The following MTMR2 variants were observed in gnomAD, a reference collection of about 807,000 sequenced individuals.
The protein encoded by MTMR2 is myotubularin related protein 2.
MTMR2 carries 55 observed loss-of-function variants against 86.9 expected under a neutral mutation model. The observed-to-expected ratio is 0.63, with a 90% CI of 0.51 to 0.79. The LOEUF (loss-of-function observed/expected upper bound fraction) is 0.79, where lower values mean the gene tolerates loss of function less well. MTMR2 is among the 30% of genes least tolerant of loss of function. The probability of loss-of-function intolerance (pLI) is 0.00; values close to 1 mark genes in which losing one functional copy is unlikely to be tolerated. For synonymous variants in MTMR2, 241 were observed against 266.8 expected, an observed-to-expected ratio of 0.90 and a Z score of 0.94; for missense variants, 659 against 772.3, an observed-to-expected ratio of 0.85 and a Z score of 1.74.
chr11:95,844,896 T>C (rs1165901080), intron 11 of MTMR2, 57 bp downstream of exon 11: 5 of 1,435,688 alleles, frequency 3.5e-6, no homozygotes, highest in African/African-American at 1.4e-5. Context: ...CACATTTTTT[T>C]CACATGCCTT....
intron 12 of MTMR2, 81 bp downstream of exon 12, chr11:95,841,536 G>T: frequency 1.0e-6 from 1 of 969,646 alleles, no homozygotes; most frequent in Non-Finnish European, 1.7e-6. Flanking sequence ...TGATCTATAG[G>T]CTAATCAGTG....
chr11:95,867,371 G>T (rs1272639442), intron 2 of MTMR2, among the ~76,000 whole-genome samples: 1 of 152,090 alleles, frequency 6.6e-6, no homozygotes, highest in African/African-American at 2.4e-5. Flanking sequence ...AAATATTTAT[G>T]TTATGTACAG....
chr11:95,878,915 T>C (rs1198836899), intron 2 of MTMR2, among the ~76,000 whole-genome samples: 1 of 152,162 alleles, frequency 6.6e-6, no homozygotes, highest in East Asian at 1.9e-4. Flanking sequence ...GTACTGTTTT[T>C]AGAAGATCAT....
Position 95,835,398 on chromosome 11 carries a change from C to T in MTMR2, c.1824G>A (p.Gln608=). 6.2e-7 allele frequency: 1 copy of T among 1,613,212 alleles called. No individual in the cohort carries two copies. The highest frequency in any genetic ancestry group is 8.5e-7 in the Non-Finnish European group (1 of 1,179,372). ...CTCTCTGTAGTTCCTCTACTTTTTT[C>T]TGAAGCTCTGCTCGTTTAGCAAGAA... The part of the protein sequence containing the change: ...KELLAKRAEL[Q]KKVEELQREI... Residue 608 remains glutamine (Q), a synonymous_variant, in exon 15 of 15, where the codon CAG becomes CAA. Coordinates refer to ENST00000346299, the MANE Select transcript of MTMR2 (RefSeq NM_016156.6).
chr11:95,880,865 C>T (rs1004911983), intron 2 of MTMR2, among the ~76,000 whole-genome samples: 1 of 152,040 alleles, frequency 6.6e-6, no homozygotes, highest in African/African-American at 2.4e-5. Flanking sequence ...TGCAAGTCTA[C>T]TATCCCAAAA....
At position 95,838,067 on chromosome 11, in the gene MTMR2, T is replaced by TG. The variant is rs765863380; in HGVS notation, c.1593+26dup. 13 of 1,303,972 alleles carry TG rather than the reference T, an allele frequency of 1.0e-5. No homozygotes were observed. In the South Asian group the frequency reaches 1.2e-4, roughly 12 times the overall value. 80.8% of individuals were successfully genotyped at this position (1,303,972 alleles called of 1,614,324 possible). The stretch of plus-strand genomic sequence containing the variant: ...GGAAAAGTATACAGTAGAGATAGTA[T>TG]GGGGAAGGTCATGTTTCATATTTTA... On this transcript the variant is annotated intron_variant, in intron 13 of 14. Transcript: ENST00000346299.
chr11:95,858,085 A>G (rs753105230), intron 6 of MTMR2, among the ~76,000 whole-genome samples: 6 of 152,152 alleles, frequency 3.9e-5, no homozygotes, highest in Non-Finnish European at 8.8e-5. Context: ...GATAAATAAT[A>G]TCTACCACCA....
At chr11:95,897,426 T>C (rs911261035) in intron 1 of MTMR2, among the ~76,000 whole-genome samples, 6 of 152,138 alleles carry the variant, frequency 3.9e-5, no homozygotes, top group African/African-American at 1.4e-4. Flanking sequence ...AAAGACTAAA[T>C]AGAATTAATC....
In MTMR2 at chr11:95,924,064, G is replaced by C. The variant is rs1867049228; in HGVS notation, c.-110C>G. 5.8e-6 allele frequency: 8 copies of C among 1,381,594 alleles called. No individual in the cohort carries two copies. The highest frequency in any genetic ancestry group is 8.0e-6 in the Non-Finnish European group (8 of 996,538). 85.6% of individuals were successfully genotyped at this position (1,381,594 alleles called of 1,614,324 possible). A position where few individuals can be genotyped will look rare whatever the true frequency, so the allele number is the denominator to read the frequency against. On this transcript the variant is annotated 5_prime_UTR_variant, in exon 1 of 15. Coordinates refer to ENST00000346299, the MANE Select transcript of MTMR2 (RefSeq NM_016156.6). The stretch of plus-strand genomic sequence containing the variant: ...CCGGGGCCGCAGTCAGGCCAGCGCC[G>C]GCCCGGGAGGGAGACCGGAAGCGGC...
chr11:95,887,916 T>G (rs936917141), intron 2 of MTMR2, among the ~76,000 whole-genome samples: 1 of 152,172 alleles, frequency 6.6e-6, no homozygotes, highest in Non-Finnish European at 1.5e-5. Context: ...CACAAAAAAT[T>G]CATTAATCAT....
chr11:95,848,868 CT>C (rs1194373293), intron 9 of MTMR2, among the ~76,000 whole-genome samples: 6 of 152,130 alleles, frequency 3.9e-5, no homozygotes, highest in African/African-American at 7.2e-5. Flanking sequence ...AAGATTACTT[CT>C]GAAGAGTGGG....
Position 95,877,003 on chromosome 11 carries a change from AAAT to A in MTMR2, c.186+11150_186+11152del, listed in dbSNP as rs372241209. 1.4e-3 allele frequency among the ~76,000 whole-genome samples: 211 copies of A among 152,342 alleles called. 1 individual carries two copies. The highest frequency in any genetic ancestry group is 4.7e-3 in the African/African-American group (197 of 41,576). On this transcript the variant is annotated intron_variant, in intron 2 of 14. Coordinates refer to ENST00000346299, the MANE Select transcript of MTMR2 (RefSeq NM_016156.6). ...ATTTGTCTGAAATCTGCAAAACACT[AAAT>A]AATAATCACCTGAAAGGGAAAAATG...
At chr11:95,877,332 CTTTTTTTT>C (rs764782930) in intron 2 of MTMR2, among the ~76,000 whole-genome samples, 4 of 106,272 alleles carry the variant, frequency 3.8e-5, no homozygotes, top group Non-Finnish European at 3.7e-5. Context: ...CAGGGAAGCC[CTTTTTTTT>C]TTTTTTTTTT....
At position 95,835,231 on chromosome 11, in the gene MTMR2, A is replaced by T; in HGVS notation, c.*59T>A. 1.9e-6 allele frequency: 3 copies of T among 1,563,044 alleles called. No homozygotes were observed. Among genetic ancestry groups the T allele is most frequent in the South Asian group, 2.2e-5 (2 of 89,618 alleles). On this transcript the variant is annotated 3_prime_UTR_variant, in exon 15 of 15. Transcript: ENST00000346299. ...TCTAAATTCCGAAGACTTTCTACTC[A>T]TAGAGCTGCCAGTGTAATCAAGAGT...
Position 95,841,604 on chromosome 11 carries a change from C to T in MTMR2, c.1479+13G>A, listed in dbSNP as rs968902751. 6.4e-6 allele frequency: 10 copies of T among 1,562,156 alleles called. No individual in the cohort carries two copies. The highest frequency in any genetic ancestry group is 7.9e-6 in the Non-Finnish European group (9 of 1,135,948). On this transcript the variant is annotated intron_variant, in intron 12 of 14. Coordinates refer to ENST00000346299, the MANE Select transcript of MTMR2 (RefSeq NM_016156.6). ...AAGGAGATGTGTAAGAATACATAGG[C>T]CAGATAAATTACCTGTCTTGTCATC...
At chr11:95,853,262 C>T (rs1864092715) in intron 7 of MTMR2, among the ~76,000 whole-genome samples, 1 of 151,864 alleles carries the variant, frequency 6.6e-6, no homozygotes, top group African/African-American at 2.4e-5. Context: ...TTATCCCTTA[C>T]ATCCAGTCAG....
intron 1 of MTMR2, among the ~76,000 whole-genome samples, chr11:95,902,587 A>C (rs1866112009): frequency 1.3e-5 from 2 of 151,630 alleles, no homozygotes; most frequent in East Asian, 1.9e-4. Flanking sequence ...TTCTCATTCT[A>C]CCTCCCATTC....
At chr11:95,893,529 A>G (rs1865779352) in intron 1 of MTMR2, among the ~76,000 whole-genome samples, 2 of 152,062 alleles carry the variant, frequency 1.3e-5, no homozygotes. Context: ...TTATATCCGT[A>G]TCCATTAGCC....
At chr11:95,905,983 C>T (rs963461988) in intron 1 of MTMR2, among the ~76,000 whole-genome samples, 4 of 152,072 alleles carry the variant, frequency 2.6e-5, no homozygotes, top group African/African-American at 9.7e-5. Context: ...CCAGCACTTC[C>T]GGAGGCTGAG....
Sources: gnomAD v4.1 joint callset for allele counts (sites outside exome capture counted in the v4.1 genomes callset) on GRCh38, gnomAD v4.1.1 for gene constraint, MANE v1.5 for transcripts, NCBI Gene and HGNC (gene_info 2026-07-23, HGNC 2026-07-21) for gene names.